The following PCNT variants were observed in gnomAD, a reference collection of about 807,000 sequenced individuals.
The protein encoded by PCNT is pericentrin.
A neutral mutation model predicts 380.4 loss-of-function variants in PCNT; 319 were observed. That is an observed-to-expected ratio of 0.84 (90% CI 0.77 to 0.92). The LOEUF is 0.92. PCNT is among the 40% of genes least tolerant of loss of function. The pLI, the probability that PCNT is intolerant of heterozygous loss-of-function variation, is 0.00. For missense variants in PCNT, 4,400 were observed against 4,255.3 expected (o/e 1.03, Z -0.95); for synonymous variants, 1,845 against 1,735.2 (o/e 1.06, Z -1.57).
In PCNT at chr21:46,433,574, A is replaced by G. The variant is rs1402596636; in HGVS notation, c.8751+1359A>G. On this transcript the variant is annotated intron_variant, in intron 38 of 46. Transcript: ENST00000359568. ...CTCCTGGGCAAGAGCTCATCCTTTG[A>G]TGGAATGCTCAAAGGAGTCTTTACT... Among the ~76,000 whole-genome samples, 6 of 152,252 alleles carry G rather than the reference A, an allele frequency of 3.9e-5. No individual in the cohort carries two copies. The East Asian group carries it at 9.6e-4, about 24-fold the overall frequency.
At chr21:46,386,021 G>T (rs1393588024) in intron 17 of PCNT, 38 bp downstream of exon 17, 4 of 1,611,504 alleles carry the variant, frequency 2.5e-6, no homozygotes, top group Non-Finnish European at 3.4e-6. Flanking sequence ...CCTTGTGGCC[G>T]CCAGCACCCG....
At chr21:46,369,402 G>T (rs1171160888) in intron 15 of PCNT, among the ~76,000 whole-genome samples, 2 of 152,220 alleles carry the variant, frequency 1.3e-5, no homozygotes, top group Non-Finnish European at 2.9e-5. Context: ...AGAAGCTGGA[G>T]CCATGTTGTC....
At chr21:46,393,531 T>TGGGCCACACCCCGCC (rs1156609677) in intron 21 of PCNT, among the ~76,000 whole-genome samples, 1 of 152,114 alleles carries the variant, frequency 6.6e-6, no homozygotes, top group Non-Finnish European at 1.5e-5. Context: ...CAGCCGGCGC[T>TGGGCCACACCCCGCC]GGGCCACACC....
rs543265059 is a variant in PCNT, at chr21:46,417,284, C to T, written c.6921+445C>T. ...TCTCGGCTCACTGCAGCCTCCGCCT[C>T]CCCAGGTTCAAGCAAATCTCCTGCC... On this transcript the variant is annotated intron_variant, in intron 30 of 46. Coordinates refer to ENST00000359568, the MANE Select transcript of PCNT (RefSeq NM_006031.6). Among the ~76,000 whole-genome samples the T allele has an allele frequency of 2.2e-4, 33 of 148,596 alleles. No homozygotes were observed. In the Middle Eastern group the frequency reaches 0.01, roughly 47 times the overall value.
intron 31 of PCNT, among the ~76,000 whole-genome samples, chr21:46,419,575 C>T (rs1299922176): frequency 2.0e-5 from 3 of 152,220 alleles, no homozygotes; most frequent in South Asian, 4.1e-4. Flanking sequence ...TGGGAGCGTG[C>T]GTCCCCCTCG....
chr21:46,402,133 C>T (rs1353685120), intron 26 of PCNT, among the ~76,000 whole-genome samples, 198 bp from the exon 27 acceptor site: 2 of 98 alleles, frequency 0.02, no homozygotes, highest in South Asian at 0.33. Flanking sequence ...GGATTACAGG[C>T]GTGAGCCCAT....
At chr21:46,365,617 GTGGGGTTCTGATCACTGCCA>G (rs1224711309) in intron 14 of PCNT, among the ~76,000 whole-genome samples, 1 of 128,268 alleles carries the variant, frequency 7.8e-6, no homozygotes, top group Non-Finnish European at 1.6e-5. Flanking sequence ...ATTCACTGCC[GTGGGGTTCTGATCACTGCCA>G]TGGGGTTCTA....
intron 28 of PCNT, among the ~76,000 whole-genome samples, chr21:46,412,457 C>T (rs2086820531): frequency 6.6e-6 from 1 of 152,142 alleles, no homozygotes; most frequent in Non-Finnish European, 1.5e-5. Flanking sequence ...ATGTGGCGAG[C>T]GAGCTCTTCT....
At position 46,401,614 on chromosome 21, in the gene PCNT, A is replaced by G. The variant is rs747256738; in HGVS notation, c.4855A>G (p.Thr1619Ala). Residue 1619 changes from threonine to alanine, a missense_variant, in exon 26 of 47, where the codon ACA (threonine) becomes GCA (alanine). Transcript: ENST00000359568. The part of the protein sequence containing the change: ...SLLLASTLQS[T>A]LDAGRCPEPP... ...GCTTCTGGCGTCCACGTTGCAGTCT[A>G]CACTAGATGCAGGCAGATGTCCCGA... 5.0e-6 allele frequency: 8 copies of G among 1,613,770 alleles called. No individual in the cohort carries two copies. The East Asian group carries it at 1.6e-4, about 31-fold the overall frequency.
intron 27 of PCNT, among the ~76,000 whole-genome samples, chr21:46,406,029 T>C (rs2086611510): frequency 6.6e-6 from 1 of 152,244 alleles, no homozygotes; most frequent in Admixed American, 6.5e-5. Context: ...TTTAAAGGTT[T>C]GACTCTTGTT....
In PCNT at chr21:46,425,828, C is replaced by T. The variant is rs2087471368; in HGVS notation, c.7180-3C>T. The T allele has an allele frequency of 1.2e-6, 2 of 1,613,554 alleles. No individual in the cohort carries two copies. Among genetic ancestry groups the T allele is most frequent in the African/African-American group, 1.3e-5 (1 of 75,008 alleles). ...TCCCTTCTGACGCGCTTTCCCGCCA[C>T]AGGCTTTACTGCAGATGGTGCGTGA... is the stretch of plus-strand genomic sequence containing the variant. On this transcript the variant is annotated splice_region_variant and splice_polypyrimidine_tract_variant and intron_variant, in intron 32 of 46. Transcript: ENST00000359568. This position sits in a 1 kb window ranked among gnomAD's most constrained non-coding sequence, Gnocchi z 4.2.
intron 35 of PCNT, 88 bp downstream of exon 35, chr21:46,428,678 G>A: frequency 8.4e-7 from 1 of 1,184,356 alleles, no homozygotes; most frequent in Non-Finnish European, 1.2e-6. Context: ...AGCAGAGGGT[G>A]GTGACAGGGC....
At chr21:46,328,131 T>G (rs1233713670) in intron 2 of PCNT, among the ~76,000 whole-genome samples, 11 of 152,252 alleles carry the variant, frequency 7.2e-5, no homozygotes, top group Non-Finnish European at 1.2e-4. Flanking sequence ...GGTCATAATG[T>G]ATGTATCCTG....
chr21:46,387,711 C>T (rs979238904), intron 17 of PCNT, among the ~76,000 whole-genome samples: 1 of 152,158 alleles, frequency 6.6e-6, no homozygotes, highest in African/African-American at 2.4e-5. Flanking sequence ...GTTGTCACCT[C>T]ACGGTCCCCA....
intron 29 of PCNT, among the ~76,000 whole-genome samples, chr21:46,414,603 C>T: frequency 6.8e-6 from 1 of 147,658 alleles, no homozygotes; most frequent in South Asian, 2.2e-4. Flanking sequence ...CCACCCTGCT[C>T]CTCCTCCTCC....
intron 15 of PCNT, among the ~76,000 whole-genome samples, chr21:46,373,138 A>C (rs2085208493): frequency 6.6e-6 from 1 of 152,170 alleles, no homozygotes; most frequent in South Asian, 2.1e-4. Context: ...CTCCTGCCTC[A>C]GCCTCTTGAG....
At chr21:46,332,323 A>C (rs959394618) in intron 2 of PCNT, among the ~76,000 whole-genome samples, 3 of 152,234 alleles carry the variant, frequency 2.0e-5, no homozygotes, top group Non-Finnish European at 4.4e-5. Context: ...CAGGAAAAAT[A>C]GTTATCACCA....
intron 31 of PCNT, among the ~76,000 whole-genome samples, chr21:46,418,817 CTG>C (rs1353572576): frequency 6.6e-6 from 1 of 152,362 alleles, no homozygotes; most frequent in Non-Finnish European, 1.5e-5. Flanking sequence ...GGGCCGCTGA[CTG>C]TGGCGTGTCC....
At chr21:46,357,627 C>T (rs769367451) in intron 13 of PCNT, among the ~76,000 whole-genome samples, 7 of 152,152 alleles carry the variant, frequency 4.6e-5, no homozygotes, top group Non-Finnish European at 7.4e-5. Context: ...CAGGGTTTCA[C>T]CTTGTTGGCC....
Sources: allele counts gnomAD v4.1 joint callset (sites outside exome capture counted in the v4.1 genomes callset), GRCh38; gene constraint gnomAD v4.1.1; non-coding constraint Gnocchi (gnomAD v3.1); transcripts MANE v1.5; gene names NCBI Gene and HGNC (gene_info 2026-07-23, HGNC 2026-07-21).